The following CFAP46 variants were observed in gnomAD, a reference collection of about 807,000 sequenced individuals.
CFAP46 encodes the protein cilia and flagella associated protein 46, also known as cilia- and flagella-associated protein 46.
In CFAP46, 245 loss-of-function variants were observed where a neutral mutation model predicts 325.7. That is an observed-to-expected ratio of 0.75 (90% confidence interval 0.68 to 0.84). The LOEUF (loss-of-function observed/expected upper bound fraction) is 0.84. Ranked by LOEUF, CFAP46 falls within the 40% of genes least tolerant of loss-of-function variation. CFAP46 has a pLI of 0.00. For synonymous variants in CFAP46, 1,523 were observed against 1,495.9 expected, an observed-to-expected ratio of 1.02 and a Z score of -0.42; for missense variants, 3,346 against 3,543.0, an observed-to-expected ratio of 0.94 and a Z score of 1.41.
chr10:132,915,300 T>C (rs1361574155), intron 17 of CFAP46, among the ~76,000 whole-genome samples: 1 of 152,200 alleles, frequency 6.6e-6, no homozygotes, highest in Admixed American at 6.5e-5. Flanking sequence ...CTGGAGCCCC[T>C]GCCTGAAATG....
At chr10:132,907,880 G>T (rs1849478842) in intron 22 of CFAP46, among the ~76,000 whole-genome samples, 1 of 152,210 alleles carries the variant, frequency 6.6e-6, no homozygotes, top group Admixed American at 6.5e-5. Context: ...CTGTGAGACA[G>T]GAAGGGGCCC....
Position 132,929,748 on chromosome 10 carries a change from A to G in CFAP46, c.923T>C (p.Ile308Thr). The change falls in exon 9 of 58, where the codon ATC becomes ACC. Residue 308 changes from isoleucine (I) to threonine (T), a missense_variant. By Grantham distance (89) the Ile-to-Thr change is moderately conservative. Coordinates refer to ENST00000368586, the MANE Select transcript of CFAP46 (RefSeq NM_001200049.3). ...RFSLTLKCME[I>T]SSACLSDLKK... The stretch of plus-strand genomic sequence containing the variant: ...CAGGTCTGAGAGGCAGGCAGAGGAG[A>G]TCTCCATGCATTTCAAGGTCAAGGA... 1 of 1,613,484 alleles carries G rather than the reference A, an allele frequency of 6.2e-7. No homozygotes were observed. Among genetic ancestry groups the G allele is most frequent in the Non-Finnish European group, 8.5e-7 (1 of 1,179,778 alleles).
At chr10:132,840,849 G>T (rs1848335364) in intron 44 of CFAP46, among the ~76,000 whole-genome samples, 1 of 152,118 alleles carries the variant, frequency 6.6e-6, no homozygotes, top group Admixed American at 6.5e-5. Flanking sequence ...GCTGTGTGTG[G>T]CCCAGCGCTG....
chr10:132,845,704 T>A (rs2135095144), intron 44 of CFAP46, among the ~76,000 whole-genome samples: 1 of 152,358 alleles, frequency 6.6e-6, no homozygotes, highest in East Asian at 1.9e-4. Flanking sequence ...AAATATTTCC[T>A]TAAACGGAGG....
Position 132,847,457 on chromosome 10 carries a change from A to C in CFAP46, c.5953-136T>G. On this transcript the variant is annotated intron_variant, in intron 41 of 57. Coordinates refer to ENST00000368586, the MANE Select transcript of CFAP46 (RefSeq NM_001200049.3). The surrounding 1 kb of genome is among the most constrained non-coding windows in gnomAD (Gnocchi z 5.2). ...GGTAGGGGGTACCGCAGGCCACAGC[A>C]TGGCCTCTCACTATCCCAAACCCTC... 9.9e-7 allele frequency: 1 copy of C among 1,014,548 alleles called. No individual in the cohort carries two copies. The highest frequency in any genetic ancestry group is 1.5e-6 in the Non-Finnish European group (1 of 676,886). The allele number at this position is 1,014,548 out of a possible 1,614,324, so 62.8% of individuals were successfully genotyped here. A position where few individuals can be genotyped will look rare whatever the true frequency, so the allele number is the denominator to read the frequency against.
At chr10:132,863,089 C>T (rs73393209) in intron 35 of CFAP46, among the ~76,000 whole-genome samples, 14,384 of 152,142 alleles carry the variant, frequency 0.095, 1,835 homozygotes, top group African/African-American at 0.29. Flanking sequence ...AGTCCAGCAC[C>T]CATCACGTCT....
At chr10:132,821,960 C>T (rs1417194373) in intron 50 of CFAP46, among the ~76,000 whole-genome samples, 1 of 120,020 alleles carries the variant, frequency 8.3e-6, no homozygotes, top group Non-Finnish European at 1.6e-5. Context: ...CTTGTGTGTG[C>T]TGTGTGTGCG....
chr10:132,843,336 G>A (rs1274381304), intron 44 of CFAP46, among the ~76,000 whole-genome samples: 2 of 151,656 alleles, frequency 1.3e-5, no homozygotes, highest in Non-Finnish European at 2.9e-5. Context: ...CTCCTGGTGG[G>A]CATTCCCAGG....
intron 29 of CFAP46, 60 bp downstream of exon 29, chr10:132,879,366 C>T (rs945930663): frequency 5.6e-6 from 8 of 1,427,062 alleles, no homozygotes; most frequent in Non-Finnish European, 7.4e-6. Context: ...GCGGTTTCCC[C>T]AGCCCGCGGC....
intron 22 of CFAP46, among the ~76,000 whole-genome samples, chr10:132,907,028 C>T (rs560307882): frequency 6.6e-6 from 1 of 152,392 alleles, no homozygotes; most frequent in African/African-American, 2.4e-5. Flanking sequence ...GGCATCTTGG[C>T]ACGTTCCTAT....
intron 10 of CFAP46, 130 bp from the exon 11 acceptor site, chr10:132,925,016 A>C: frequency 1.5e-6 from 1 of 684,904 alleles, no homozygotes; most frequent in Non-Finnish European, 2.2e-6. Context: ...GTCATGCTCA[A>C]ATCTGTCCGT....
At chr10:132,875,512 G>A (rs572460738) in intron 31 of CFAP46, among the ~76,000 whole-genome samples, 101 of 152,372 alleles carry the variant, frequency 6.6e-4, no homozygotes, top group African/African-American at 2.4e-3. Flanking sequence ...AATTGACAAT[G>A]AGATGATGAT....
intron 50 of CFAP46, 140 bp downstream of exon 50, chr10:132,833,218 T>G (rs1456237129): frequency 9.4e-6 from 8 of 855,106 alleles, no homozygotes; most frequent in Non-Finnish European, 1.4e-5. Flanking sequence ...CAAATATCTT[T>G]GAATGAATAA....
chr10:132,935,387 C>T (rs1171649749), intron 7 of CFAP46, among the ~76,000 whole-genome samples: 50 of 143,342 alleles, frequency 3.5e-4, no homozygotes, highest in African/African-American at 8.1e-4. Context: ...ACTGTGATCT[C>T]CTCACTCCCC....
chr10:132,902,188 T>A (rs1849400232), intron 22 of CFAP46, among the ~76,000 whole-genome samples: 1 of 152,198 alleles, frequency 6.6e-6, no homozygotes, highest in Non-Finnish European at 1.5e-5. Flanking sequence ...AACGTGTGTA[T>A]TTTGGCCTCC....
chr10:132,914,052 T>C (rs1012909379), intron 17 of CFAP46, among the ~76,000 whole-genome samples: 1 of 147,918 alleles, frequency 6.8e-6, no homozygotes, highest in Non-Finnish European at 1.5e-5. Context: ...CCAGCCACAC[T>C]GCACCCCGGC....
intron 44 of CFAP46, among the ~76,000 whole-genome samples, chr10:132,841,541 G>A (rs989475925): frequency 7.2e-5 from 11 of 152,206 alleles, no homozygotes; most frequent in African/African-American, 9.6e-5. Flanking sequence ...TCCTGTTCCC[G>A]TGGCTTTGCT....
intron 29 of CFAP46, among the ~76,000 whole-genome samples, chr10:132,879,002 G>A (rs1000257330): frequency 1.1e-4 from 16 of 152,190 alleles, no homozygotes; most frequent in Non-Finnish European, 1.9e-4. Flanking sequence ...CCCCGTCAGC[G>A]GGCGGTTCAG....
intron 40 of CFAP46, 140 bp from the exon 41 acceptor site, chr10:132,850,572 G>A: frequency 3.7e-6 from 3 of 811,646 alleles, no homozygotes; most frequent in Non-Finnish European, 5.6e-6. Flanking sequence ...GCCCCGCAGG[G>A]AGGGTCTCCA....
Sources: gnomAD v4.1 joint callset for allele counts (sites outside exome capture counted in the v4.1 genomes callset) on GRCh38, gnomAD v4.1.1 for gene constraint, Gnocchi (gnomAD v3.1) non-coding constraint, MANE v1.5 for transcripts, NCBI Gene and HGNC (gene_info 2026-07-23, HGNC 2026-07-21) for gene names.